The following TMLHE variants were observed in gnomAD, a reference collection of about 807,000 sequenced individuals.
TMLHE encodes the protein trimethyllysine dioxygenase, mitochondrial.
In TMLHE, 18 loss-of-function variants were observed where a neutral mutation model predicts 25.7. The ratio of observed to expected loss-of-function variants is 0.70; its 90% CI spans 0.48 to 1.04. TMLHE has a LOEUF of 1.04. Ranked by LOEUF, TMLHE falls within the 50% of genes least tolerant of loss-of-function variation. The probability of loss-of-function intolerance (pLI) is 0.00; values close to 1 mark genes in which losing one functional copy is unlikely to be tolerated. For synonymous variants in TMLHE, 105 were observed against 97.0 expected, an observed-to-expected ratio of 1.08 and a Z score of -0.49; for missense variants, 236 against 259.0, an observed-to-expected ratio of 0.91 and a Z score of 0.61.
intron 1 of TMLHE, among the ~76,000 whole-genome samples, chrX:155,594,246 T>C (rs1557346295): frequency 8.9e-6 from 1 of 112,275 alleles, no homozygotes; most frequent in Non-Finnish European, 1.9e-5. Context: ...GCATATCAGA[T>C]GTTTTAGCAG....
At chrX:155,548,540 C>T (rs1178355186) in intron 1 of TMLHE, among the ~76,000 whole-genome samples, 12 of 107,878 alleles carry the variant, frequency 1.1e-4, no homozygotes, top group Non-Finnish European at 1.9e-4. Context: ...ATGAGGCCAG[C>T]CTGACTAACA....
At chrX:155,543,155 C>T (rs1025183397) in intron 2 of TMLHE, among the ~76,000 whole-genome samples, 24 of 111,134 alleles carry the variant, frequency 2.2e-4, no homozygotes, top group African/African-American at 6.5e-4. Flanking sequence ...CAATGATGTT[C>T]ACTCTTCCTA....
chrX:155,548,605 C>T lies in TMLHE; in HGVS notation c.-1-3328G>A, dbSNP rs781909978. Among the ~76,000 whole-genome samples, 5 of 107,008 alleles carry T rather than the reference C, an allele frequency of 4.7e-5. No individual in the cohort carries two copies. In the Admixed American group the frequency reaches 4.9e-4, roughly 10 times the overall value. The allele number at this position is 107,008 out of a possible 115,157, so 92.9% of individuals were successfully genotyped here. On this transcript the variant is annotated intron_variant, in intron 1 of 7. Coordinates refer to ENST00000334398, the MANE Select transcript of TMLHE (RefSeq NM_018196.4). ...CAAAAATTAGCCGGGTGTGGTGGCACACACCTGTATTCCCAGCTACTCAGG... is the reference window on the plus strand; with the variant it reads ...CAAAAATTAGCCGGGTGTGGTGGCATACACCTGTATTCCCAGCTACTCAGG...
intron 1 of TMLHE, among the ~76,000 whole-genome samples, chrX:155,585,313 T>G (rs1176872120): frequency 9.0e-6 from 1 of 110,536 alleles, no homozygotes; most frequent in Admixed American, 9.7e-5. Flanking sequence ...GGAGTAGCTA[T>G]ACTTAGATAA....
At chrX:155,544,453 AG>A (rs1410191007) in intron 2 of TMLHE, among the ~76,000 whole-genome samples, 2 of 112,117 alleles carry the variant, frequency 1.8e-5, no homozygotes, top group Non-Finnish European at 3.8e-5. Context: ...AGTAAAGCCA[AG>A]GATTGCCAGC....
chrX:155,589,959 T>C (rs1476693564), intron 1 of TMLHE, among the ~76,000 whole-genome samples: 1 of 111,788 alleles, frequency 8.9e-6, no homozygotes, highest in African/African-American at 3.2e-5. Flanking sequence ...GAAAATTCTA[T>C]TTGCAGCAAG....
intron 4 of TMLHE, among the ~76,000 whole-genome samples, chrX:155,512,421 T>C (rs782270767): frequency 1.0e-3 from 108 of 107,191 alleles, no homozygotes; most frequent in Non-Finnish European, 1.7e-3. Flanking sequence ...ATGCGGTGTT[T>C]GGTTTTTTGT....
At chrX:155,507,193 A>G (rs782074768) in intron 5 of TMLHE, 59 bp from the exon 6 acceptor site, 741 of 740,816 alleles carry the variant, frequency 1.0e-3, no homozygotes, top group Non-Finnish European at 1.4e-3. Context: ...TCAAAATTCT[A>G]GAAATTATAT....
intron 2 of TMLHE, among the ~76,000 whole-genome samples, chrX:155,530,145 T>C (rs1395519789): frequency 8.9e-6 from 1 of 111,982 alleles, no homozygotes; most frequent in African/African-American, 3.2e-5. Context: ...GCATTATTCA[T>C]GAAAGCCAAG....
chrX:155,505,807 A>C (rs1185840064), intron 6 of TMLHE, among the ~76,000 whole-genome samples: 1 of 111,834 alleles, frequency 8.9e-6, no homozygotes. Context: ...TTTCATCTGC[A>C]GTGTCAAGAA....
chrX:155,604,281 G>A (rs1446847765), intron 1 of TMLHE, among the ~76,000 whole-genome samples: 1 of 111,199 alleles, frequency 9.0e-6, no homozygotes, highest in Non-Finnish European at 1.9e-5. Context: ...GATTGGGGAA[G>A]GAACAAAGAC....
chrX:155,522,583 C>G (rs1557335910), intron 3 of TMLHE, among the ~76,000 whole-genome samples: 1 of 112,058 alleles, frequency 8.9e-6, no homozygotes, highest in African/African-American at 3.2e-5. Flanking sequence ...CTCCTGGACA[C>G]CAATAATCTG....
At chrX:155,599,292 C>T (rs2067742802) in intron 1 of TMLHE, among the ~76,000 whole-genome samples, 2 of 111,604 alleles carry the variant, frequency 1.8e-5, no homozygotes, top group Non-Finnish European at 1.9e-5. Context: ...TACTCCCATA[C>T]TCATGTTTAA....
At chrX:155,552,462 G>T (rs2067421733) in intron 1 of TMLHE, among the ~76,000 whole-genome samples, 2 of 109,051 alleles carry the variant, frequency 1.8e-5, no homozygotes. Flanking sequence ...ATGTTTCCTA[G>T]GAATCTATGT....
chrX:155,553,846 A>G (rs2067430823), intron 1 of TMLHE, among the ~76,000 whole-genome samples: 1 of 110,628 alleles, frequency 9.0e-6, no homozygotes, highest in Non-Finnish European at 1.9e-5. Flanking sequence ...ATGAATAATA[A>G]CATATATATA....
At chrX:155,546,756 C>T (rs1197005749) in intron 1 of TMLHE, among the ~76,000 whole-genome samples, 1 of 111,734 alleles carries the variant, frequency 8.9e-6, no homozygotes, top group Non-Finnish European at 1.9e-5. Context: ...AGAAACTCCT[C>T]TGCTGATAAT....
At chrX:155,514,586 C>T (rs782073397) in intron 3 of TMLHE, among the ~76,000 whole-genome samples, 2 of 110,678 alleles carry the variant, frequency 1.8e-5, no homozygotes, top group East Asian at 2.9e-4. Flanking sequence ...TAGGCTTTTA[C>T]AAGCCTACTT....
intron 6 of TMLHE, among the ~76,000 whole-genome samples, chrX:155,506,061 G>C (rs1370294854): frequency 1.8e-5 from 2 of 111,064 alleles, no homozygotes; most frequent in Non-Finnish European, 3.8e-5. Context: ...GAAGGGATCA[G>C]ATCATACAGA....
At position 155,491,599 on chromosome X, in the gene TMLHE, C is replaced by G. The variant is rs1260668991; in HGVS notation, c.1202G>C (p.Cys401Ser). 2 of 399,363 alleles carry G rather than the reference C, an allele frequency of 5.0e-6. No homozygotes were observed. Among genetic ancestry groups the G allele is most frequent in the Non-Finnish European group, 8.2e-6 (2 of 245,157 alleles). The allele number at this position is 399,363 out of a possible 1,213,427, so 32.9% of individuals were successfully genotyped here. A position where few individuals can be genotyped will look rare whatever the true frequency, so the allele number is the denominator to read the frequency against. ...ATCATCTCTTGTTAAATAGCAGCCA[C>G]ACAGTTGGCGGTAGCCAGTGAAGCA... ...RECFTGYRQL[C>S]GCYLTRDDVL... The change falls in exon 8 of 8, where the codon TGT (cysteine) becomes TCT (serine). Residue 401 changes from cysteine (C) to serine (S), a missense_variant. Around this residue, in one of 2 missense-constraint regions of TMLHE, gnomAD observed 19 missense variants for 44.4 expected, o/e 0.43. Transcript: ENST00000334398.
Sources: allele counts gnomAD v4.1 joint callset (sites outside exome capture counted in the v4.1 genomes callset), GRCh38; gene constraint gnomAD v4.1.1; regional missense constraint gnomAD v4.1.1; transcripts MANE v1.5; gene names NCBI Gene and HGNC (gene_info 2026-07-23, HGNC 2026-07-21).